Variants in CPEB1 observed in about 807,000 individuals in gnomAD.
The protein encoded by CPEB1 is cytoplasmic polyadenylation element binding protein 1.
In CPEB1, 7 loss-of-function variants were observed where a neutral mutation model predicts 65.8. The observed-to-expected ratio is 0.11, with a 90% confidence interval of 0.06 to 0.20. The LOEUF (loss-of-function observed/expected upper bound fraction) is 0.20, where lower values mean the gene tolerates loss of function less well. CPEB1 is among the 10% of genes least tolerant of loss of function. The pLI is 1.00. For missense variants in CPEB1, 551 were observed against 712.2 expected (o/e 0.77, Z 2.58); for synonymous variants, 262 against 260.0 (o/e 1.01, Z -0.08).
intron 1 of CPEB1, among the ~76,000 whole-genome samples, chr15:82,634,741 T>C (rs1400523912): frequency 1.4e-5 from 2 of 147,550 alleles, no homozygotes; most frequent in Non-Finnish European, 3.0e-5. Flanking sequence ...GGTTTTTAAA[T>C]GCATTGGTCT....
chr15:82,583,666 G>T (rs1054121482), intron 3 of CPEB1, among the ~76,000 whole-genome samples: 1 of 147,532 alleles, frequency 6.8e-6, no homozygotes, highest in African/African-American at 2.6e-5. Context: ...TTTAACTTCA[G>T]GTACTTCTTA....
At position 82,634,184 on chromosome 15, in the gene CPEB1, G is replaced by T. The variant is rs1179563431; in HGVS notation, c.-97-5628C>A. On this transcript the variant is annotated intron_variant, in intron 1 of 12. Transcript: ENST00000684509. ...ATTTACTTGTTTTAGCATATAACTG[G>T]TTTTTTTTTTTTTCCATCTATGGTT... Among the ~76,000 whole-genome samples the T allele has an allele frequency of 4.5e-3, 658 of 146,714 alleles. 2 individuals carry two copies. Among genetic ancestry groups the T allele is most frequent in the Non-Finnish European group, 4.4e-3 (294 of 66,496 alleles).
intron 1 of CPEB1, 73 bp from the exon 2 acceptor site, chr15:82,628,629 A>G: frequency 1.7e-6 from 1 of 594,534 alleles, no homozygotes. Context: ...GCAAAAAGTC[A>G]GACAGAAATT....
At chr15:82,613,956 G>C (rs1018750184) in intron 3 of CPEB1, among the ~76,000 whole-genome samples, 3 of 149,538 alleles carry the variant, frequency 2.0e-5, no homozygotes, top group Non-Finnish European at 4.5e-5. Context: ...CTTCAGCCTC[G>C]CTGCTTCTGA....
chr15:82,637,764 AG>A (rs1240545689), intron 1 of CPEB1, among the ~76,000 whole-genome samples: 7 of 152,146 alleles, frequency 4.6e-5, no homozygotes, highest in Admixed American at 4.6e-4. Context: ...CCTACTCCAG[AG>A]GGCAGTGGTC....
chr15:82,600,869 C>T (rs1432319831), intron 3 of CPEB1, among the ~76,000 whole-genome samples: 2 of 145,702 alleles, frequency 1.4e-5, no homozygotes, highest in Non-Finnish European at 3.0e-5. Context: ...TCATCATAAA[C>T]TACTTTTTTA....
chr15:82,573,234 A>ATTT, intron 3 of CPEB1: 3 of 1,152,868 alleles, frequency 2.6e-6, no homozygotes, highest in South Asian at 1.9e-5. Flanking sequence ...TCCTTTGGAG[A>ATTT]TTTTTTTTTT....
intron 1 of CPEB1, chr15:82,629,270 C>G: frequency 1.0e-6 from 1 of 985,266 alleles, no homozygotes; most frequent in Non-Finnish European, 1.2e-6. Flanking sequence ...CATACAGTAG[C>G]TGCTAATTTG....
At chr15:82,590,615 C>T (rs76008587) in intron 3 of CPEB1, among the ~76,000 whole-genome samples, 6,139 of 152,196 alleles carry the variant, frequency 0.04, 179 homozygotes, top group Middle Eastern at 0.096. Context: ...AGTCCAGTAC[C>T]CAATGCTTGT....
intron 4 of CPEB1, among the ~76,000 whole-genome samples, chr15:82,568,149 C>T (rs957882371): frequency 2.0e-5 from 3 of 152,206 alleles, no homozygotes; most frequent in African/African-American, 7.2e-5. Flanking sequence ...TCTGAGCCTT[C>T]CAGGAGTTGT....
chr15:82,632,094 G>A (rs145923326), intron 1 of CPEB1, among the ~76,000 whole-genome samples: 454 of 147,036 alleles, frequency 3.1e-3, no homozygotes, highest in African/African-American at 0.011. Flanking sequence ...GGATTCTCTC[G>A]CCTCAGCCTC....
intron 3 of CPEB1, chr15:82,572,967 G>C (rs2040238375): frequency 7.2e-7 from 1 of 1,385,708 alleles, no homozygotes; most frequent in South Asian, 1.6e-5. Context: ...TCCTCATAAA[G>C]GAGGGTAGGG....
intron 3 of CPEB1, among the ~76,000 whole-genome samples, chr15:82,626,960 T>C (rs540163404): frequency 6.6e-6 from 1 of 152,342 alleles, no homozygotes; most frequent in South Asian, 2.1e-4. Context: ...TGTGACCTTT[T>C]CTTTTTTCCC....
chr15:82,604,879 A>C (rs775318931), intron 3 of CPEB1, among the ~76,000 whole-genome samples: 1 of 152,226 alleles, frequency 6.6e-6, no homozygotes, highest in East Asian at 1.9e-4. Flanking sequence ...GAAAAACATT[A>C]ATCTACATAT....
chr15:82,573,985 T>C (rs1272065673), intron 3 of CPEB1, among the ~76,000 whole-genome samples: 3 of 152,052 alleles, frequency 2.0e-5, no homozygotes, highest in Non-Finnish European at 2.9e-5. Context: ...TGAACAGTAC[T>C]GATGTGTACA....
chr15:82,604,714 A>G (rs2043407593), intron 3 of CPEB1, among the ~76,000 whole-genome samples: 1 of 152,226 alleles, frequency 6.6e-6, no homozygotes, highest in Admixed American at 6.5e-5. Flanking sequence ...GAAGATACAG[A>G]CATGGAGATT....
chr15:82,597,215 ACTTGGGACACTAAAGTGGGAGGAT>A (rs1279603613), intron 3 of CPEB1, among the ~76,000 whole-genome samples: 1 of 152,218 alleles, frequency 6.6e-6, no homozygotes, highest in African/African-American at 2.4e-5. Context: ...AGTCCCAGCT[ACTTGGGACACTAAAGTGGGAGGAT>A]CAATTGGGCC....
At chr15:82,588,306 T>C (rs1183072185) in intron 3 of CPEB1, among the ~76,000 whole-genome samples, 1 of 152,148 alleles carries the variant, frequency 6.6e-6, no homozygotes, top group Non-Finnish European at 1.5e-5. Flanking sequence ...AATAATAGCA[T>C]GTACAACTTC....
chr15:82,553,595 C>T (rs183183504), intron 7 of CPEB1, 39 bp from the exon 8 acceptor site: 2 of 1,423,124 alleles, frequency 1.4e-6, no homozygotes, highest in Non-Finnish European at 9.9e-7. Context: ...AGCTGAGGAA[C>T]CATCTTTCCC....
Sources: allele counts gnomAD v4.1 joint callset (sites outside exome capture counted in the v4.1 genomes callset), GRCh38; gene constraint gnomAD v4.1.1; transcripts MANE v1.5; gene names NCBI Gene and HGNC (gene_info 2026-07-23, HGNC 2026-07-21).